Variants in RIMS1 observed in about 807,000 individuals in gnomAD.
RIMS1 encodes regulating synaptic membrane exocytosis protein 1.
Under a neutral mutation model 214.1 loss-of-function variants are expected in RIMS1, and 83 were observed. The ratio of observed to expected loss-of-function variants is 0.39; its 90% confidence interval spans 0.32 to 0.47. RIMS1 has a LOEUF of 0.47. RIMS1 is among the 20% of genes least tolerant of loss of function. The pLI is 0.99. For missense variants in RIMS1, 2,050 were observed against 2,161.8 expected (o/e 0.95, Z 1.03); for synonymous variants, 793 against 786.8 (o/e 1.01, Z -0.13).
chr6:71,921,783 A>G (rs1780074814), intron 1 of RIMS1, among the ~76,000 whole-genome samples: 1 of 152,196 alleles, frequency 6.6e-6, no homozygotes, highest in Non-Finnish European at 1.5e-5. Context: ...GCAACCATAA[A>G]GAAACCTATT....
chr6:71,911,246 T>C (rs898716279), intron 1 of RIMS1, among the ~76,000 whole-genome samples: 7 of 152,182 alleles, frequency 4.6e-5, no homozygotes, highest in African/African-American at 1.7e-4. Flanking sequence ...ATTGAACTCA[T>C]TGAATACCAT....
intron 1 of RIMS1, among the ~76,000 whole-genome samples, chr6:71,940,944 T>G (rs1473050032): frequency 2.0e-5 from 3 of 151,560 alleles, no homozygotes; most frequent in East Asian, 1.9e-4. Flanking sequence ...AATTGCAAGG[T>G]TTTTTTTTAA....
intron 28 of RIMS1, chr6:72,316,955 TA>T: frequency 1.5e-6 from 1 of 645,676 alleles, no homozygotes; most frequent in South Asian, 1.5e-5. Context: ...GACCAGGCCC[TA>T]GGCTCTGTGG....
At chr6:72,294,022 A>C (rs1407471309) in intron 26 of RIMS1, among the ~76,000 whole-genome samples, 1 of 151,584 alleles carries the variant, frequency 6.6e-6, no homozygotes, top group Non-Finnish European at 1.5e-5. Context: ...ACAAGCATGT[A>C]TTTTATATAT....
intron 2 of RIMS1, among the ~76,000 whole-genome samples, chr6:71,998,878 A>T (rs1310074112): frequency 6.6e-6 from 1 of 152,140 alleles, no homozygotes; most frequent in Non-Finnish European, 1.5e-5. Context: ...TGAACCTCTC[A>T]TTCATTAAAC....
chr6:71,904,554 G>A (rs368174165), intron 1 of RIMS1, among the ~76,000 whole-genome samples: 35 of 152,228 alleles, frequency 2.3e-4, no homozygotes, highest in African/African-American at 6.7e-4. Flanking sequence ...ATCTGGAGGA[G>A]TAAGACCCCA....
intron 1 of RIMS1, among the ~76,000 whole-genome samples, chr6:71,966,018 T>C (rs1297246001): frequency 6.6e-6 from 1 of 152,206 alleles, no homozygotes; most frequent in Non-Finnish European, 1.5e-5. Context: ...TTACACAGTT[T>C]CCATATGTTA....
intron 2 of RIMS1, among the ~76,000 whole-genome samples, chr6:72,077,436 T>C (rs1832204338): frequency 6.6e-6 from 1 of 152,190 alleles, no homozygotes; most frequent in African/African-American, 2.4e-5. Flanking sequence ...TTATTATGTG[T>C]TGAATTTATG....
At chr6:72,354,705 A>T (rs2097571235) in intron 29 of RIMS1, among the ~76,000 whole-genome samples, 1 of 152,158 alleles carries the variant, frequency 6.6e-6, no homozygotes, top group Admixed American at 6.6e-5. Flanking sequence ...TCTGATGGGT[A>T]TATTCAGTTT....
chr6:71,890,596 A>AAAAAAAAAAAAAC lies in RIMS1; in HGVS notation c.164+3410_164+3411insAAAAAAAAAAACA, dbSNP rs1554194854. ...AAAAAAAAAAAAAAAAAAAAAAAAAAACTTCATAGAGAAAGCAGCTACTGA... is the reference window on the plus strand; with the variant it reads ...AAAAAAAAAAAAAAAAAAAAAAAAAAAAAAAAAAAAAACACTTCATAGAGAAAGCAGCTACTGA... On this transcript the variant is annotated intron_variant, in intron 1 of 33. Transcript: ENST00000521978. Among the ~76,000 whole-genome samples the AAAAAAAAAAAAAC allele has an allele frequency of 1.9e-4, 22 of 112,946 alleles. 3 individuals are homozygous for AAAAAAAAAAAAAC. The highest frequency in any genetic ancestry group is 3.0e-4 in the Non-Finnish European group (17 of 56,282). The allele number at this position is 112,946 out of a possible 152,430, so 74.1% of individuals were successfully genotyped here. A position where few individuals can be genotyped will look rare whatever the true frequency, so the allele number is the denominator to read the frequency against.
rs1480817024 is a variant in RIMS1, at chr6:72,182,665, C to T, written c.1194C>T (p.Thr398=). 6 of 1,458,396 alleles carry T rather than the reference C, an allele frequency of 4.1e-6. 1 individual carries two copies. The highest frequency in any genetic ancestry group is 2.6e-5 in the Admixed American group (1 of 38,326). 90.3% of individuals were successfully genotyped at this position (1,458,396 alleles called of 1,614,324 possible). ...ACAGCGACGTGGCGCTCCCGCGCAC[C>T]GAGGCGGGCGCGGCGCTGCCGGAGG... ...RRHSDVALPR[T]EAGAALPEGK... The change falls in exon 6 of 34, where the codon ACC becomes ACT. Residue 398 remains threonine (T), a synonymous_variant. Coordinates refer to ENST00000521978, the MANE Select transcript of RIMS1 (RefSeq NM_014989.7).
intron 2 of RIMS1, among the ~76,000 whole-genome samples, chr6:72,076,096 T>C (rs1831783445): frequency 6.6e-6 from 1 of 152,224 alleles, no homozygotes; most frequent in African/African-American, 2.4e-5. Flanking sequence ...CCCTTATTAA[T>C]CATTATGACT....
At chr6:72,215,910 T>C (rs1431327076) in intron 6 of RIMS1, among the ~76,000 whole-genome samples, 1 of 152,182 alleles carries the variant, frequency 6.6e-6, no homozygotes, top group Non-Finnish European at 1.5e-5. Context: ...TTTTGACAAG[T>C]ACATGTAATT....
chr6:71,897,247 G>GCCTT (rs1231971646), intron 1 of RIMS1, among the ~76,000 whole-genome samples: 2 of 152,078 alleles, frequency 1.3e-5, no homozygotes, highest in African/African-American at 4.8e-5. Flanking sequence ...CTGGATGCCT[G>GCCTT]AAGGAACCTC....
At chr6:72,262,830 C>T (rs1041081194) in intron 19 of RIMS1, 1 of 711,508 alleles carries the variant, frequency 1.4e-6, no homozygotes, top group Non-Finnish European at 1.7e-6. Context: ...TCACTTAGGA[C>T]TTATAAAAAT....
intron 2 of RIMS1, among the ~76,000 whole-genome samples, chr6:72,003,597 T>G (rs1045345311): frequency 3.9e-5 from 6 of 151,914 alleles, no homozygotes; most frequent in African/African-American, 1.5e-4. Flanking sequence ...CAATTTTGCT[T>G]GCAGGTGTGT....
chr6:72,222,911 C>T (rs1036339513), intron 6 of RIMS1, among the ~76,000 whole-genome samples: 4 of 152,178 alleles, frequency 2.6e-5, no homozygotes, highest in African/African-American at 9.6e-5. Context: ...GAGCTACACA[C>T]AGTATCACAG....
At chr6:72,266,215 C>A in intron 22 of RIMS1, 166 bp downstream of exon 22, 1 of 662,560 alleles carries the variant, frequency 1.5e-6, no homozygotes. Context: ...TAGAGATATG[C>A]GTATGTGGAT....
At chr6:72,096,633 T>C (rs1024253238) in intron 2 of RIMS1, among the ~76,000 whole-genome samples, 10 of 152,208 alleles carry the variant, frequency 6.6e-5, no homozygotes, top group African/African-American at 1.7e-4. Context: ...GAGCTCTCAG[T>C]TGAAATATTT....
Sources: allele counts gnomAD v4.1 joint callset (sites outside exome capture counted in the v4.1 genomes callset), GRCh38; gene constraint gnomAD v4.1.1; transcripts MANE v1.5; gene names NCBI Gene and HGNC (gene_info 2026-07-23, HGNC 2026-07-21).